The following ACYP2 variants were observed in gnomAD, a reference collection of about 807,000 sequenced individuals.
The protein encoded by ACYP2 is acylphosphatase 2.
In ACYP2, 12 loss-of-function variants were observed where a neutral mutation model predicts 11.2. The ratio of observed to expected loss-of-function variants is 1.08; its 90% confidence interval spans 0.69 to 1.74. The LOEUF (loss-of-function observed/expected upper bound fraction) is 1.74. ACYP2 is among the 40% of genes most tolerant of loss of function. The pLI is 0.00. For synonymous variants in ACYP2, 43 were observed against 32.2 expected (o/e 1.33, Z -1.13); for missense variants, 134 against 101.9 (o/e 1.31, Z -1.35).
intron 6 of ACYP2, among the ~76,000 whole-genome samples, chr2:54,293,800 C>A (rs1398145989): frequency 6.6e-6 from 1 of 152,112 alleles, no homozygotes; most frequent in East Asian, 1.9e-4. Flanking sequence ...TGGATAATCA[C>A]TGAACTCACT....
intron 3 of ACYP2, among the ~76,000 whole-genome samples, chr2:54,055,387 A>G (rs1676086814): frequency 6.6e-6 from 1 of 152,188 alleles, no homozygotes; most frequent in African/African-American, 2.4e-5. Context: ...GAATAATAAA[A>G]TTATTATTTA....
At chr2:54,248,202 G>C (rs1687049274) in intron 6 of ACYP2, among the ~76,000 whole-genome samples, 1 of 152,152 alleles carries the variant, frequency 6.6e-6, no homozygotes, top group African/African-American at 2.4e-5. Flanking sequence ...GTTCTGCTCT[G>C]GATTTTCTTA....
At chr2:53,991,955 C>T (rs1296505103) in intron 2 of ACYP2, among the ~76,000 whole-genome samples, 3 of 151,956 alleles carry the variant, frequency 2.0e-5, no homozygotes, top group Admixed American at 2.0e-4. Flanking sequence ...CACATGACAC[C>T]ACACCCAGCT....
intron 6 of ACYP2, among the ~76,000 whole-genome samples, chr2:54,248,894 G>A (rs930495655): frequency 6.6e-6 from 1 of 152,180 alleles, no homozygotes. Context: ...CGGCATTTCA[G>A]TTTAGAAGGA....
At chr2:54,212,778 T>G (rs1685379810) in intron 6 of ACYP2, among the ~76,000 whole-genome samples, 1 of 152,078 alleles carries the variant, frequency 6.6e-6, no homozygotes, top group Admixed American at 6.6e-5. Context: ...TTTATTTCAT[T>G]TTGACAAAAA....
chr2:54,112,834 A>T (rs528070422), intron 4 of ACYP2, among the ~76,000 whole-genome samples: 3 of 152,392 alleles, frequency 2.0e-5, no homozygotes, highest in Admixed American at 1.3e-4. Context: ...CTGCTGGCAG[A>T]CACAGCAAAT....
chr2:54,109,722 A>C (rs533850761), intron 4 of ACYP2, among the ~76,000 whole-genome samples: 2 of 152,316 alleles, frequency 1.3e-5, no homozygotes, highest in South Asian at 4.1e-4. Context: ...ATTTTAGAAT[A>C]GTTGTTGATT....
chr2:54,216,174 A>C (rs1685551693), intron 6 of ACYP2, among the ~76,000 whole-genome samples: 1 of 152,230 alleles, frequency 6.6e-6, no homozygotes, highest in Admixed American at 6.5e-5. Context: ...CACAAGCAAT[A>C]ATCCATATAA....
At chr2:54,281,740 A>T (rs530769607) in intron 6 of ACYP2, among the ~76,000 whole-genome samples, 1 of 152,254 alleles carries the variant, frequency 6.6e-6, no homozygotes, top group South Asian at 2.1e-4. Context: ...GATCTTGATT[A>T]TGGGACCATT....
At chr2:54,212,145 T>A (rs6723912) in intron 6 of ACYP2, among the ~76,000 whole-genome samples, 36,317 of 151,828 alleles carry the variant, frequency 0.24, 4,473 homozygotes, top group East Asian at 0.39. Flanking sequence ...TGGATTTTTT[T>A]TAAAAATCTG....
intron 2 of ACYP2, among the ~76,000 whole-genome samples, chr2:54,030,240 G>A (rs1159424299): frequency 6.6e-6 from 1 of 152,124 alleles, no homozygotes; most frequent in Non-Finnish European, 1.5e-5. Flanking sequence ...GCTTGGCCTG[G>A]CGAGCTGCCT....
intron 4 of ACYP2, among the ~76,000 whole-genome samples, chr2:54,095,709 G>C (rs1678512359): frequency 3.2e-5 from 4 of 124,094 alleles, no homozygotes; most frequent in Admixed American, 7.6e-5. Context: ...CGGGCAGAGG[G>C]GCTCCTCACT....
intron 6 of ACYP2, among the ~76,000 whole-genome samples, chr2:54,282,069 A>G (rs562537997): frequency 2.0e-5 from 3 of 152,328 alleles, no homozygotes; most frequent in East Asian, 3.9e-4. Context: ...TTCATAATTC[A>G]TTACCCAGAA....
intron 6 of ACYP2, among the ~76,000 whole-genome samples, chr2:54,286,090 G>T (rs1379847823): frequency 6.7e-6 from 1 of 150,120 alleles, no homozygotes; most frequent in Non-Finnish European, 1.5e-5. Context: ...CTAACCTACT[G>T]AACACCATAG....
intron 6 of ACYP2, among the ~76,000 whole-genome samples, chr2:54,190,777 A>G (rs1462775160): frequency 6.6e-6 from 1 of 152,114 alleles, no homozygotes; most frequent in Non-Finnish European, 1.5e-5. Flanking sequence ...CCAGAGTCAC[A>G]TGTCAAGCTG....
chr2:53,989,277 C>CTTTT (rs775237196), intron 2 of ACYP2, among the ~76,000 whole-genome samples: 17 of 94,806 alleles, frequency 1.8e-4, no homozygotes, highest in East Asian at 3.3e-4. Flanking sequence ...GTAGACAATT[C>CTTTT]TTTTTTTTTT....
intron 6 of ACYP2, among the ~76,000 whole-genome samples, chr2:54,208,240 T>A (rs1391383170): frequency 6.6e-6 from 1 of 152,040 alleles, no homozygotes; most frequent in East Asian, 1.9e-4. Context: ...CTAAAGTGGT[T>A]CTTCCTCTTT....
intron 6 of ACYP2, among the ~76,000 whole-genome samples, chr2:54,181,180 T>C (rs114500709): frequency 1.2e-3 from 190 of 152,318 alleles, no homozygotes; most frequent in African/African-American, 4.5e-3. Flanking sequence ...ACCATTAACA[T>C]TTCTCAAGGG....
intron 6 of ACYP2, among the ~76,000 whole-genome samples, chr2:54,272,217 C>T (rs1358075520): frequency 6.6e-6 from 1 of 152,062 alleles, no homozygotes; most frequent in Non-Finnish European, 1.5e-5. Flanking sequence ...ATGTTAGGCC[C>T]CAAGAAGCAA....
Sources: allele counts gnomAD v4.1 joint callset (sites outside exome capture counted in the v4.1 genomes callset), GRCh38; gene constraint gnomAD v4.1.1; transcripts MANE v1.5; gene names NCBI Gene and HGNC (gene_info 2026-07-23, HGNC 2026-07-21).